KHSRP: variants seen among roughly 807,000 people sequenced by gnomAD.
KHSRP encodes KH-type splicing regulatory protein, also known as far upstream element-binding protein 2.
In KHSRP, 13 loss-of-function variants were observed where a neutral mutation model predicts 94.9. That is an observed-to-expected ratio of 0.14 (90% CI 0.09 to 0.22). The LOEUF is 0.22. Ranked by LOEUF, KHSRP falls within the 10% of genes least tolerant of loss-of-function variation. The probability of loss-of-function intolerance (pLI) is 1.00; values close to 1 mark genes in which losing one functional copy is unlikely to be tolerated. For missense variants in KHSRP, 710 were observed against 1,010.0 expected (o/e 0.70, Z 4.03); for synonymous variants, 495 against 401.4 (o/e 1.23, Z -2.79).
Position 6,415,718 on chromosome 19 carries a change from C to A in KHSRP, c.1704G>T (p.Ala568=), listed in dbSNP as rs191726896. ...CCCACGCGGCGTTGGGGTCCGCGGC[C>A]GCTGCAGCTGCTTTGCCTGCAGGAG... ...APHDPSKAAA[A]AADPNAAWAA... The change falls in exon 17 of 19, where the codon GCG becomes GCT. Residue 568 remains alanine (A), a synonymous_variant. Transcript: ENST00000600480. 6.5e-7 allele frequency: 1 copy of A among 1,549,682 alleles called. No individual in the cohort carries two copies. The highest frequency in any genetic ancestry group is 1.4e-5 in the African/African-American group (1 of 73,026).
In KHSRP at chr19:6,415,567, T is replaced by A; in HGVS notation, c.1855A>T (p.Thr619Ser). The A allele has an allele frequency of 6.6e-7, 1 of 1,525,596 alleles. No individual in the cohort carries two copies. The highest frequency in any genetic ancestry group is 8.8e-7 in the Non-Finnish European group (1 of 1,135,500). The allele number at this position is 1,525,596 out of a possible 1,614,324, so 94.5% of individuals were successfully genotyped here. ...QPPPTGQSDY[T>S]KAWEEYYKKI... is the part of the protein sequence containing the mutation. ...TTGTAATACTCTTCCCAGGCCTTAGTGTAGTCCGACTGGCCGGTGGGTGGG... is the reference window on the plus strand; with the variant it reads ...TTGTAATACTCTTCCCAGGCCTTAGAGTAGTCCGACTGGCCGGTGGGTGGG... Residue 619 changes from threonine to serine, a missense_variant, in exon 17 of 19, where the codon ACT becomes TCT. Physicochemically the swap from Thr to Ser is moderately conservative, Grantham distance 58. This residue lies in a region of KHSRP where 292 missense variants were observed against 340.5 expected (regional missense o/e 0.86). Coordinates refer to ENST00000600480, the MANE Select transcript of KHSRP (RefSeq NM_001366299.1).
intron 1 of KHSRP, among the ~76,000 whole-genome samples, chr19:6,423,555 C>T (rs571307392): frequency 6.6e-6 from 1 of 152,332 alleles, no homozygotes; most frequent in Admixed American, 6.5e-5. Context: ...TCAGACGGTT[C>T]CATGGGCAAT....
chr19:6,415,948 G>C, intron 15 of KHSRP, 52 bp from the exon 16 acceptor site: 2 of 1,174,324 alleles, frequency 1.7e-6, no homozygotes, highest in Non-Finnish European at 2.3e-6. Flanking sequence ...GGTGGCCGCA[G>C]CCGGACCACC....
chr19:6,417,630 G>A (rs539769079), intron 11 of KHSRP, 109 bp downstream of exon 11: 9 of 788,190 alleles, frequency 1.1e-5, no homozygotes, highest in African/African-American at 8.5e-5. Flanking sequence ...AGAGCCGTGA[G>A]GTGCTATGGA....
At chr19:6,415,330 C>A in intron 18 of KHSRP, 29 bp from the exon 19 acceptor site, 1 of 1,613,444 alleles carries the variant, frequency 6.2e-7, no homozygotes, top group South Asian at 1.1e-5. Flanking sequence ...AGGTGAGAGG[C>A]TGTGGGTGAG....
Position 6,420,415 on chromosome 19 carries a change from C to T in KHSRP, c.475+7G>A, listed in dbSNP as rs1434895468. The T allele has an allele frequency of 6.2e-7, 1 of 1,613,672 alleles. No homozygotes were observed. The highest frequency in any genetic ancestry group is 2.2e-5 in the East Asian group (1 of 44,880). Reference sequence around the variant, plus strand: ...GGGCCTCCCCACCCAAGGTGACCCACACTCACTCAGGCCCACCATGCCGTC... The same window carrying T: ...GGGCCTCCCCACCCAAGGTGACCCATACTCACTCAGGCCCACCATGCCGTC... On this transcript the variant is annotated splice_region_variant and intron_variant, in intron 5 of 18. Coordinates refer to ENST00000600480, the MANE Select transcript of KHSRP (RefSeq NM_001366299.1).
At position 6,416,844 on chromosome 19, in the gene KHSRP, G is replaced by A; in HGVS notation, c.1221C>T (p.Pro407=). Residue 407 remains proline (P), a synonymous_variant, in exon 13 of 19, where the codon CCC becomes CCT. Coordinates refer to ENST00000600480, the MANE Select transcript of KHSRP (RefSeq NM_001366299.1). The part of the protein sequence containing the change: ...PPGPPGGPGM[P]PGGRGRGRGQ... ...CTCTTCCTCGGCCTCGGCCCCCCGG[G>A]GGCATGCCTGGACCCCCTGGAGGAC... The A allele has an allele frequency of 6.3e-7, 1 of 1,599,028 alleles. No homozygotes were observed. Among genetic ancestry groups the A allele is most frequent in the Admixed American group, 1.8e-5 (1 of 56,986 alleles).
intron 5 of KHSRP, 119 bp from the exon 6 acceptor site, chr19:6,420,263 G>A (rs2092187219): frequency 1.8e-6 from 2 of 1,141,076 alleles, no homozygotes; most frequent in South Asian, 1.3e-5. Context: ...CAGTCCTCTA[G>A]AGAGCTCCTG....
chr19:6,416,111 C>T (rs1276717554), intron 15 of KHSRP, among the ~76,000 whole-genome samples, 187 bp downstream of exon 15: 6 of 152,198 alleles, frequency 3.9e-5, no homozygotes, highest in Admixed American at 2.0e-4. Context: ...TGCACGTGCA[C>T]AGAGGGATGC....
In KHSRP at chr19:6,418,958, G is replaced by A; in HGVS notation, c.606-82C>T. 3 of 1,383,530 alleles carry A rather than the reference G, an allele frequency of 2.2e-6. No individual in the cohort carries two copies. In the South Asian group the frequency reaches 4.5e-5, roughly 21 times the overall value. 85.7% of individuals were successfully genotyped at this position (1,383,530 alleles called of 1,614,324 possible). ...TCTGGTGGCCCACCCAGCTCAAAGG[G>A]AAGGCGACCCCAGAGTGTGCAAGGA... is the stretch of plus-strand genomic sequence containing the variant. On this transcript the variant is annotated intron_variant, in intron 7 of 18. Transcript: ENST00000600480. The surrounding 1 kb of genome is among the most constrained non-coding windows in gnomAD (Gnocchi z 4.3).
Position 6,420,068 on chromosome 19 carries a change from T to TA in KHSRP, c.547+4dup. 1 of 1,611,324 alleles carries TA rather than the reference T, an allele frequency of 6.2e-7. No individual in the cohort carries two copies. On this transcript the variant is annotated splice_donor_region_variant and intron_variant, in intron 6 of 18. Coordinates refer to ENST00000600480, the MANE Select transcript of KHSRP (RefSeq NM_001366299.1). ...CACTCTGGCAGGAACCTGACGCTCT[T>TA]ATACCTGGAGAAATCTGTACTTTGC...
chr19:6,415,880 G>A lies in KHSRP; in HGVS notation c.1615C>T (p.Pro539Ser). The A allele has an allele frequency of 6.5e-7, 1 of 1,535,096 alleles. No individual in the cohort carries two copies. The highest frequency in any genetic ancestry group is 1.2e-5 in the South Asian group (1 of 80,392). The change falls in exon 16 of 19, where the codon CCT (proline) becomes TCT (serine). Residue 539 changes from proline to serine, a missense_variant. Physicochemically the swap from Pro to Ser is moderately conservative, Grantham distance 74. Around this residue, in one of 5 missense-constraint regions of KHSRP, gnomAD observed 292 missense variants for 340.5 expected, o/e 0.86. Transcript: ENST00000600480. ...CAGCCCTGGGGTGGGTACTGGTGAG[G>A]AGGGGGCCCCCCGGCACTGCAGGAG... ...GAPPHAGGPPPHQYPPQGWGN... is the reference protein window; with the variant it reads ...GAPPHAGGPPSHQYPPQGWGN...
At position 6,417,845 on chromosome 19, in the gene KHSRP, G is replaced by C. The variant is rs768538744; in HGVS notation, c.979-4C>G. On this transcript the variant is annotated splice_region_variant and splice_polypyrimidine_tract_variant and intron_variant, in intron 10 of 18. Transcript: ENST00000600480. ...CAGAATGCCTGGGCACTGGCACCTG[G>C]GGAGGGAGGCAGCAGCGTCAGCTCG... 69 of 1,613,078 alleles carry C rather than the reference G, an allele frequency of 4.3e-5. No individual in the cohort carries two copies. The highest frequency in any genetic ancestry group is 1.0e-4 in the Admixed American group (6 of 59,958).
At position 6,416,017 on chromosome 19, in the gene KHSRP, G is replaced by A. The variant is rs78190198; in HGVS notation, c.1599-121C>T. The A allele has an allele frequency of 5.5e-3, 3,785 of 690,592 alleles. 99 individuals carry two copies. The African/African-American group carries it at 0.063, about 12-fold the overall frequency. 42.8% of individuals were successfully genotyped at this position (690,592 alleles called of 1,614,324 possible). A position where few individuals can be genotyped will look rare whatever the true frequency, so the allele number is the denominator to read the frequency against. Reference sequence around the variant, plus strand: ...AGAGACCCAGACCACCAGGCTCAACGGGGCGCCTGGGAAAGGCCTAGACAA... The same window carrying A: ...AGAGACCCAGACCACCAGGCTCAACAGGGCGCCTGGGAAAGGCCTAGACAA... On this transcript the variant is annotated intron_variant, in intron 15 of 18. Transcript: ENST00000600480.
At position 6,414,312 on chromosome 19, in the gene KHSRP, C is replaced by G; in HGVS notation, c.*712G>C. ...AGGTGCTCGCGGGACTCGCTGAAGT[C>G]ACGCTGCTCCCTGATGGAGAAGGAG... On this transcript the variant is annotated 3_prime_UTR_variant, in exon 19 of 19. Transcript: ENST00000600480. 7.2e-7 allele frequency: 1 copy of G among 1,397,384 alleles called. No individual in the cohort carries two copies. The highest frequency in any genetic ancestry group is 1.8e-5 in the South Asian group (1 of 56,652). 86.6% of individuals were successfully genotyped at this position (1,397,384 alleles called of 1,614,324 possible).
chr19:6,420,263 G>C (rs2092187219), intron 5 of KHSRP, 119 bp from the exon 6 acceptor site: 6 of 1,141,194 alleles, frequency 5.3e-6, no homozygotes, highest in South Asian at 3.9e-5. Context: ...CAGTCCTCTA[G>C]AGAGCTCCTG....
chr19:6,422,256 C>A (rs2092199647), intron 2 of KHSRP, 84 bp downstream of exon 2: 3 of 848,534 alleles, frequency 3.5e-6, no homozygotes, highest in Non-Finnish European at 3.9e-6. Context: ...TGACACCCAC[C>A]CCCTCTGAAC....
Position 6,416,901 on chromosome 19 carries a change from A to G in KHSRP, c.1183-19T>C. The G allele has an allele frequency of 3.7e-6, 6 of 1,612,494 alleles. No individual in the cohort carries two copies. Among genetic ancestry groups the G allele is most frequent in the Non-Finnish European group, 5.1e-6 (6 of 1,179,606 alleles). ...GACCACTCTGCAAGACAAGAGGAGG[A>G]GGAGGATGATGAACCCTGGAAGCCG... is the stretch of plus-strand genomic sequence containing the variant. On this transcript the variant is annotated intron_variant, in intron 12 of 18. Coordinates refer to ENST00000600480, the MANE Select transcript of KHSRP (RefSeq NM_001366299.1).
Position 6,423,600 on chromosome 19 carries a change from A to G in KHSRP, c.249+853T>C, listed in dbSNP as rs183665471. On this transcript the variant is annotated intron_variant, in intron 1 of 18. Transcript: ENST00000600480. ...TGCACGCTAGAACCCACCCAACTCC[A>G]AGGGTGAGAGAGACGACAGAGGGCC... Among the ~76,000 whole-genome samples, 8 of 152,270 alleles carry G rather than the reference A, an allele frequency of 5.3e-5. 1 individual carries two copies. The South Asian group carries it at 1.5e-3, about 28-fold the overall frequency.
Sources: gnomAD v4.1 joint callset for allele counts (sites outside exome capture counted in the v4.1 genomes callset) on GRCh38, gnomAD v4.1.1 for gene constraint, gnomAD v4.1.1 regional missense constraint, Gnocchi (gnomAD v3.1) non-coding constraint, MANE v1.5 for transcripts, NCBI Gene and HGNC (gene_info 2026-07-23, HGNC 2026-07-21) for gene names.